Variants in DNAJC15 observed in about 807,000 individuals in gnomAD.
DNAJC15 encodes the protein DnaJ heat shock protein family (Hsp40) member C15.
DNAJC15 carries 27 observed loss-of-function variants against 22.4 expected under a neutral mutation model. That is an observed-to-expected ratio of 1.20 (90% CI 0.89 to 1.66). DNAJC15 has a LOEUF of 1.66. Ranked by LOEUF, DNAJC15 falls within the 40% of genes most tolerant of loss-of-function variation. DNAJC15 has a pLI of 0.00. For missense variants in DNAJC15, 208 were observed against 187.1 expected, an observed-to-expected ratio of 1.11 and a Z score of -0.65; for synonymous variants, 79 against 63.2, an observed-to-expected ratio of 1.25 and a Z score of -1.19.
intron 3 of DNAJC15, among the ~76,000 whole-genome samples, chr13:43,075,932 A>C (rs1215868855): frequency 2.0e-5 from 3 of 152,208 alleles, no homozygotes; most frequent in Non-Finnish European, 4.4e-5. Flanking sequence ...AAGTGCTGGG[A>C]TTACAGGCGT....
intron 2 of DNAJC15, among the ~76,000 whole-genome samples, chr13:43,066,200 C>G (rs2040582748): frequency 6.6e-6 from 1 of 152,000 alleles, no homozygotes; most frequent in Non-Finnish European, 1.5e-5. Context: ...TTGATAAACC[C>G]TGGGGAATTT....
In DNAJC15 at chr13:43,048,315, A is replaced by AC. The variant is rs1322846773; in HGVS notation, c.109-17370dup. On this transcript the variant is annotated intron_variant, in intron 1 of 5. Coordinates refer to ENST00000379221, the MANE Select transcript of DNAJC15 (RefSeq NM_013238.3). Reference sequence around the variant, plus strand: ...ACCAAAATGGAGAAACCTCGTCTCTACTAAAAATACAAAAAAAAAAAAAAA... The same window carrying AC: ...ACCAAAATGGAGAAACCTCGTCTCTACCTAAAAATACAAAAAAAAAAAAAAA... Among the ~76,000 whole-genome samples the AC allele has an allele frequency of 9.6e-3, 1,336 of 139,530 alleles. 10 individuals are homozygous for AC. Among genetic ancestry groups the AC allele is most frequent in the Non-Finnish European group, 0.015 (971 of 64,700 alleles). 91.5% of individuals were successfully genotyped at this position (139,530 alleles called of 152,430 possible). A position where few individuals can be genotyped will look rare whatever the true frequency, so the allele number is the denominator to read the frequency against.
At chr13:43,106,897 T>A (rs1183114522) in intron 5 of DNAJC15, among the ~76,000 whole-genome samples, 1 of 151,986 alleles carries the variant, frequency 6.6e-6, no homozygotes, top group Non-Finnish European at 1.5e-5. Flanking sequence ...GAAAGGTGAA[T>A]GTCTGACCAG....
intron 3 of DNAJC15, among the ~76,000 whole-genome samples, chr13:43,073,796 C>T (rs545669691): frequency 2.0e-5 from 3 of 151,782 alleles, no homozygotes; most frequent in South Asian, 4.2e-4. Flanking sequence ...AAAGGCACTT[C>T]GGAAAGCAAA....
At chr13:43,085,719 A>G (rs773879400) in intron 4 of DNAJC15, 49 bp from the exon 5 acceptor site, 3 of 1,507,518 alleles carry the variant, frequency 2.0e-6, no homozygotes, top group African/African-American at 1.4e-5. Flanking sequence ...TTAATTTATA[A>G]TCTGCATTTG....
chr13:43,095,335 G>T (rs533732039), intron 5 of DNAJC15, among the ~76,000 whole-genome samples: 1 of 152,162 alleles, frequency 6.6e-6, no homozygotes, highest in African/African-American at 2.4e-5. Flanking sequence ...TAGGTAGATG[G>T]TGGAGCTATT....
At chr13:43,096,002 T>C (rs1201647676) in intron 5 of DNAJC15, among the ~76,000 whole-genome samples, 4 of 152,058 alleles carry the variant, frequency 2.6e-5, no homozygotes, top group African/African-American at 9.7e-5. Context: ...AAAATGCTGT[T>C]TTTTGTTTTA....
At position 43,050,010 on chromosome 13, in the gene DNAJC15, C is replaced by T. The variant is rs576751947; in HGVS notation, c.109-15676C>T. On this transcript the variant is annotated intron_variant, in intron 1 of 5. Coordinates refer to ENST00000379221, the MANE Select transcript of DNAJC15 (RefSeq NM_013238.3). ...ATCGGCACACTGCAACTTCCACTTC[C>T]CAGGTTCAAGCAGTTCTCCTGCCTC... is the stretch of plus-strand genomic sequence containing the variant. Among the ~76,000 whole-genome samples, 6 of 152,246 alleles carry T rather than the reference C, an allele frequency of 3.9e-5. No homozygotes were observed. The East Asian group carries it at 1.2e-3, about 29-fold the overall frequency.
chr13:43,098,531 G>T (rs974426193), intron 5 of DNAJC15, among the ~76,000 whole-genome samples: 2 of 152,106 alleles, frequency 1.3e-5, no homozygotes, highest in Non-Finnish European at 2.9e-5. Context: ...TTTTTCTTCA[G>T]ATCCCCTTGT....
chr13:43,064,204 T>C (rs1369477968), intron 1 of DNAJC15, among the ~76,000 whole-genome samples: 3 of 152,222 alleles, frequency 2.0e-5, no homozygotes, highest in Non-Finnish European at 4.4e-5. Context: ...CCTCTTGTCC[T>C]CCGGCTCTAG....
At chr13:43,089,310 A>T (rs2040703554) in intron 5 of DNAJC15, among the ~76,000 whole-genome samples, 1 of 152,218 alleles carries the variant, frequency 6.6e-6, no homozygotes, top group Non-Finnish European at 1.5e-5. Flanking sequence ...AGACAATTAG[A>T]TCTCTGTCCC....
At chr13:43,025,259 T>C (rs527301776) in intron 1 of DNAJC15, among the ~76,000 whole-genome samples, 8 of 152,186 alleles carry the variant, frequency 5.3e-5, no homozygotes, top group Non-Finnish European at 1.2e-4. Flanking sequence ...GCAGAAGTAA[T>C]CCTTTTGTGG....
intron 1 of DNAJC15, among the ~76,000 whole-genome samples, chr13:43,033,172 G>A (rs1025583712): frequency 6.6e-6 from 1 of 152,142 alleles, no homozygotes; most frequent in Non-Finnish European, 1.5e-5. Flanking sequence ...CCCACATTGG[G>A]GATTACAATT....
At chr13:43,099,170 T>G (rs1259264434) in intron 5 of DNAJC15, among the ~76,000 whole-genome samples, 1 of 152,210 alleles carries the variant, frequency 6.6e-6, no homozygotes, top group African/African-American at 2.4e-5. Flanking sequence ...GGAATTATTT[T>G]ATAATTTTAT....
intron 1 of DNAJC15, among the ~76,000 whole-genome samples, chr13:43,054,077 C>G (rs2040518320): frequency 6.6e-6 from 1 of 152,158 alleles, no homozygotes; most frequent in African/African-American, 2.4e-5. Flanking sequence ...AAGGTATGTT[C>G]CTTCTATCCT....
intron 1 of DNAJC15, among the ~76,000 whole-genome samples, chr13:43,045,388 G>A (rs2040471937): frequency 6.6e-6 from 1 of 152,156 alleles, no homozygotes. Context: ...TGGGAGCATC[G>A]GCAAGCTACT....
intron 4 of DNAJC15, among the ~76,000 whole-genome samples, chr13:43,079,965 C>G (rs1044419089): frequency 2.6e-5 from 4 of 152,038 alleles, no homozygotes; most frequent in Non-Finnish European, 4.4e-5. Flanking sequence ...ATGGGTGACC[C>G]CAGTTTAATC....
chr13:43,033,008 G>A (rs1167738385), intron 1 of DNAJC15, among the ~76,000 whole-genome samples: 1 of 152,130 alleles, frequency 6.6e-6, no homozygotes, highest in Non-Finnish European at 1.5e-5. Context: ...TGGCCAGAGC[G>A]GGAGGAAGAC....
At chr13:43,055,662 CTT>C (rs1467750514) in intron 1 of DNAJC15, among the ~76,000 whole-genome samples, 2 of 152,166 alleles carry the variant, frequency 1.3e-5, no homozygotes, top group African/African-American at 2.4e-5. Flanking sequence ...TTTTACTTAT[CTT>C]TTCAAAGAAC....
Sources: allele counts gnomAD v4.1 joint callset (sites outside exome capture counted in the v4.1 genomes callset), GRCh38; gene constraint gnomAD v4.1.1; transcripts MANE v1.5; gene names NCBI Gene and HGNC (gene_info 2026-07-23, HGNC 2026-07-21).